Variants in MAP3K11 observed in about 807,000 individuals in gnomAD.
MAP3K11 encodes SH3 domain-containing proline-rich kinase.
MAP3K11 carries 46 observed loss-of-function variants against 84.9 expected under a neutral mutation model. That is an observed-to-expected ratio of 0.54 (90% CI 0.43 to 0.69). The LOEUF is 0.69. Among genes scored for constraint, MAP3K11 ranks in the 30% least tolerant of loss-of-function variants. The pLI, the probability that MAP3K11 is intolerant of heterozygous loss-of-function variation, is 0.00. For missense variants in MAP3K11, 1,053 were observed against 1,198.3 expected, an observed-to-expected ratio of 0.88 and a Z score of 1.79; for synonymous variants, 527 against 514.7, an observed-to-expected ratio of 1.02 and a Z score of -0.32.
intron 1 of MAP3K11, chr11:65,612,492 G>A (rs572089175): frequency 1.3e-5 from 2 of 152,956 alleles, no homozygotes; most frequent in African/African-American, 4.8e-5. Context: ...TTGAGGCTCC[G>A]AGTTGGAGTA....
At chr11:65,602,147 G>A (rs886738006) in intron 8 of MAP3K11, among the ~76,000 whole-genome samples, 2 of 147,822 alleles carry the variant, frequency 1.4e-5, no homozygotes, top group African/African-American at 5.0e-5. Flanking sequence ...AGGTTACAGT[G>A]AGCCGAGATC....
In MAP3K11 at chr11:65,613,165, C is replaced by T; in HGVS notation, c.592G>A (p.Gly198Ser). Residue 198 changes from glycine (G) to serine (S), a missense_variant, in exon 1 of 10, where the codon GGT becomes AGT. Coordinates refer to ENST00000309100, the MANE Select transcript of MAP3K11 (RefSeq NM_002419.4). ...NLCLVMEYAA[G>S]GPLSRALAGR... Reference sequence around the variant, plus strand: ...GCCAGAGCTCGGCTGAGGGGCCCACCGGCTGCATACTCCATCACCAGGCAC... The same window carrying T: ...GCCAGAGCTCGGCTGAGGGGCCCACTGGCTGCATACTCCATCACCAGGCAC... The T allele has an allele frequency of 1.9e-6, 3 of 1,591,138 alleles. No homozygotes were observed. The highest frequency in any genetic ancestry group is 2.6e-6 in the Non-Finnish European group (3 of 1,168,168).
At chr11:65,600,380 T>A (rs1264783426) in intron 8 of MAP3K11, among the ~76,000 whole-genome samples, 1 of 152,230 alleles carries the variant, frequency 6.6e-6, no homozygotes, top group Non-Finnish European at 1.5e-5. Context: ...GTGCCAGGCC[T>A]GAGCTGAATG....
Position 65,613,568 on chromosome 11 carries a change from C to T in MAP3K11, c.189G>A (p.Arg63=). ...ACAGCACCTCCACACGGTCACCCTT[C>T]CTCAGGGCCAGCTCATCCTGCCCAC... ...EPSGQDELAL[R]KGDRVEVLSR... The change falls in exon 1 of 10, where the codon AGG becomes AGA. Residue 63 remains arginine, a synonymous_variant. Coordinates refer to ENST00000309100, the MANE Select transcript of MAP3K11 (RefSeq NM_002419.4). The T allele has an allele frequency of 6.2e-7, 1 of 1,612,756 alleles. No homozygotes were observed. Among genetic ancestry groups the T allele is most frequent in the Non-Finnish European group, 8.5e-7 (1 of 1,179,704 alleles).
intron 5 of MAP3K11, chr11:65,607,059 CT>C: frequency 1.3e-6 from 1 of 771,386 alleles, no homozygotes; most frequent in Non-Finnish European, 1.9e-6. Context: ...AACCCCACCC[CT>C]TCCCACTCCC....
At position 65,608,384 on chromosome 11, in the gene MAP3K11, A is replaced by G. The variant is rs570418299; in HGVS notation, c.804T>C (p.Phe268=). The part of the protein sequence containing the change: ...MEHKTLKITD[F]GLAREWHKTT... ...TTTTGTGCCACTCTCGGGCCAGGCCAAAGTCGGTGATCTTCAGGGTCTTGT... is the reference window on the plus strand; with the variant it reads ...TTTTGTGCCACTCTCGGGCCAGGCCGAAGTCGGTGATCTTCAGGGTCTTGT... Residue 268 remains phenylalanine (F), a synonymous_variant, in exon 2 of 10, where the codon TTT becomes TTC. Coordinates refer to ENST00000309100, the MANE Select transcript of MAP3K11 (RefSeq NM_002419.4). The G allele has an allele frequency of 8.7e-6, 14 of 1,614,224 alleles. No homozygotes were observed. In the Admixed American group the frequency reaches 2.0e-4, roughly 23 times the overall value.
intron 8 of MAP3K11, among the ~76,000 whole-genome samples, chr11:65,603,078 G>C (rs1854472296): frequency 6.6e-6 from 1 of 152,316 alleles, no homozygotes; most frequent in African/African-American, 2.4e-5. Flanking sequence ...AGTCCAGCCT[G>C]GGTAACAGAA....
At chr11:65,605,499 C>T (rs958093955) in intron 8 of MAP3K11, 4 of 361,198 alleles carry the variant, frequency 1.1e-5, no homozygotes, top group South Asian at 6.0e-5. Context: ...GAAGAGGCTT[C>T]TTGCAGGCCA....
chr11:65,602,901 G>A (rs1854470561), intron 8 of MAP3K11, among the ~76,000 whole-genome samples: 1 of 151,668 alleles, frequency 6.6e-6, no homozygotes, highest in African/African-American at 2.4e-5. Flanking sequence ...GACTACTTAA[G>A]CGCAGCCCAG....
At chr11:65,607,029 A>C in intron 5 of MAP3K11, 1 of 629,830 alleles carries the variant, frequency 1.6e-6, no homozygotes, top group Non-Finnish European at 2.6e-6. Context: ...CGCCCACTAG[A>C]CCTTCCCAGA....
intron 1 of MAP3K11, chr11:65,610,995 A>G (rs1854565406): frequency 6.6e-6 from 1 of 152,310 alleles, no homozygotes; most frequent in South Asian, 2.1e-4. Context: ...GTCAGGGGTC[A>G]CCCAGAGGAG....
In MAP3K11 at chr11:65,613,644, G is replaced by A; in HGVS notation, c.113C>T (p.Ala38Val). The change falls in exon 1 of 10, where the codon GCA becomes GTA. Residue 38 changes from alanine to valine, a missense_variant. Coordinates refer to ENST00000309100, the MANE Select transcript of MAP3K11 (RefSeq NM_002419.4). Reference protein sequence around the residue: ...GGGRPEGSPKAAGYANPVWTA... With the variant: ...GGGRPEGSPKVAGYANPVWTA... The stretch of plus-strand genomic sequence containing the variant: ...CCACACCGGGTTGGCATAACCCGCT[G>A]CCTTTGGAGACCCCTCAGGCCGGCC... 1.9e-6 allele frequency: 3 copies of A among 1,612,894 alleles called. No individual in the cohort carries two copies. Among genetic ancestry groups the A allele is most frequent in the Non-Finnish European group, 2.5e-6 (3 of 1,180,008 alleles).
chr11:65,606,967 G>A (rs1053168972), intron 5 of MAP3K11, 163 bp from the exon 6 acceptor site: 2 of 587,468 alleles, frequency 3.4e-6, no homozygotes, highest in African/African-American at 2.0e-5. Flanking sequence ...CCTGGGTCTG[G>A]ATAAGGAAAG....
intron 6 of MAP3K11, 79 bp from the exon 7 acceptor site, chr11:65,606,160 T>C (rs968729157): frequency 2.8e-6 from 4 of 1,435,138 alleles, no homozygotes; most frequent in Non-Finnish European, 3.7e-6. Context: ...AGATAAACTT[T>C]AGAGTATGGG....
intron 8 of MAP3K11, among the ~76,000 whole-genome samples, chr11:65,601,087 A>G (rs1854450423): frequency 6.6e-6 from 1 of 152,024 alleles, no homozygotes; most frequent in African/African-American, 2.4e-5. Context: ...CATTCATTCA[A>G]TCAACATCTA....
chr11:65,603,749 C>A (rs1353776222), intron 8 of MAP3K11, among the ~76,000 whole-genome samples: 1 of 152,270 alleles, frequency 6.6e-6, no homozygotes, highest in Non-Finnish European at 1.5e-5. Context: ...AGCTGACATC[C>A]TTTCAGGGCA....
chr11:65,607,205 C>G, intron 5 of MAP3K11, 65 bp downstream of exon 5: 2 of 1,417,178 alleles, frequency 1.4e-6, no homozygotes, highest in African/African-American at 1.5e-5. Flanking sequence ...GGTGAGCACA[C>G]AGGCCTGGCT....
intron 5 of MAP3K11, 52 bp downstream of exon 5, chr11:65,607,218 A>AC: frequency 7.0e-7 from 1 of 1,430,500 alleles, no homozygotes; most frequent in Non-Finnish European, 9.1e-7. Flanking sequence ...GCCTGGCTCC[A>AC]CCCCCACCCC....
intron 8 of MAP3K11, among the ~76,000 whole-genome samples, chr11:65,600,837 T>C (rs936245528): frequency 3.9e-5 from 6 of 152,068 alleles, no homozygotes; most frequent in Non-Finnish European, 8.8e-5. Flanking sequence ...CAGCAGCAGG[T>C]TGGATGTCGG....
Sources: gnomAD v4.1 joint callset for allele counts (sites outside exome capture counted in the v4.1 genomes callset) on GRCh38, gnomAD v4.1.1 for gene constraint, MANE v1.5 for transcripts, NCBI Gene and HGNC (gene_info 2026-07-23, HGNC 2026-07-21) for gene names.